NLRP12: variants seen among roughly 807,000 people sequenced by gnomAD.
NLRP12 encodes the protein NACHT, LRR and PYD domains-containing protein 12.
NLRP12 carries 108 observed loss-of-function variants against 91.2 expected under a neutral mutation model. The ratio of observed to expected loss-of-function variants is 1.18; its 90% CI spans 1.01 to 1.39. The LOEUF is 1.39. NLRP12 is among the 40% of genes most tolerant of loss of function. The pLI, the probability that NLRP12 is intolerant of heterozygous loss-of-function variation, is 0.00. For synonymous variants in NLRP12, 613 were observed against 566.7 expected (o/e 1.08, Z -1.16); for missense variants, 1,530 against 1,352.7 (o/e 1.13, Z -2.06).
Position 53,809,612 on chromosome 19 carries a change from C to T in NLRP12, c.2047G>A (p.Gly683Arg), listed in dbSNP as rs145989421. 112 of 1,613,300 alleles carry T rather than the reference C, an allele frequency of 6.9e-5. 1 individual carries two copies. In the African/African-American group the frequency reaches 1.2e-3, roughly 18 times the overall value. ...DGEDRARCSAGAHTLLVQLPE... is the reference protein window; with the variant it reads ...DGEDRARCSARAHTLLVQLPE... ...AGCTGCACCAACAGCGTGTGCGCTCCTGCGGAGCACCTCGCGCGGTCTTCC... is the reference window on the plus strand; with the variant it reads ...AGCTGCACCAACAGCGTGTGCGCTCTTGCGGAGCACCTCGCGCGGTCTTCC... Residue 683 changes from glycine (G) to arginine (R), a missense_variant, in exon 3 of 10, where the codon GGA (glycine) becomes AGA (arginine). Coordinates refer to ENST00000324134, the MANE Select transcript of NLRP12 (RefSeq NM_144687.4).
intron 8 of NLRP12, among the ~76,000 whole-genome samples, chr19:53,796,792 T>C (rs1600671392): frequency 6.7e-6 from 1 of 150,346 alleles, no homozygotes; most frequent in South Asian, 2.1e-4. Flanking sequence ...AGGTCGGGAG[T>C]TCAAGACCAG....
chr19:53,794,548 C>A lies in NLRP12; in HGVS notation c.3099-412G>T, dbSNP rs1029395579. On this transcript the variant is annotated intron_variant, in intron 9 of 9. Coordinates refer to ENST00000324134, the MANE Select transcript of NLRP12 (RefSeq NM_144687.4). Reference sequence around the variant, plus strand: ...TGTTAGCCAGGATGGTCCTAGTCTCCTAACCTCGTGATCCGCCCACCTCGG... The same window carrying A: ...TGTTAGCCAGGATGGTCCTAGTCTCATAACCTCGTGATCCGCCCACCTCGG... Among the ~76,000 whole-genome samples the A allele has an allele frequency of 3.6e-5, 2 of 55,630 alleles. 1 individual carries two copies. The highest frequency in any genetic ancestry group is 7.8e-5 in the Non-Finnish European group (2 of 25,752). The allele number at this position is 55,630 out of a possible 152,430, so 36.5% of individuals were successfully genotyped here.
chr19:53,823,895 GGTCCTCTCTCT>G lies in NLRP12; in HGVS notation c.269_279del (p.Gln90ProfsTer99), dbSNP rs1172420216. 1 of 1,613,872 alleles carries G rather than the reference GGTCCTCTCTCT, an allele frequency of 6.2e-7. No homozygotes were observed. The highest frequency in any genetic ancestry group is 8.5e-7 in the Non-Finnish European group (1 of 1,179,990). ...CCCGCCACCTCCTTACCCCTCACCA[GGTCCTCTCTCT>G]GTCCTCTCTCCCACAGGTCCTTCCT... is the stretch of plus-strand genomic sequence containing the variant. On this transcript the variant is annotated frameshift_variant, in exon 1 of 10. Coordinates refer to ENST00000324134, the MANE Select transcript of NLRP12 (RefSeq NM_144687.4). LOFTEE classifies it high-confidence loss of function.
chr19:53,823,393 T>TAAATATTTA (rs1555799900), intron 1 of NLRP12, among the ~76,000 whole-genome samples: 1 of 100,106 alleles, frequency 1.0e-5, no homozygotes, highest in Non-Finnish European at 1.9e-5. Context: ...ATACATATTT[T>TAAATATTTA]AAATATATAT....
intron 1 of NLRP12, 119 bp downstream of exon 1, chr19:53,823,767 C>G: frequency 8.5e-7 from 1 of 1,176,902 alleles, no homozygotes; most frequent in East Asian, 2.3e-5. Flanking sequence ...CCAGACTGGT[C>G]TTGAACTCCT....
chr19:53,816,181 C>T (rs946982360), intron 1 of NLRP12, among the ~76,000 whole-genome samples: 1 of 152,090 alleles, frequency 6.6e-6, no homozygotes, highest in Non-Finnish European at 1.5e-5. Context: ...AGTTCCTTTG[C>T]TCTCACTCCA....
Position 53,797,258 on chromosome 19 carries a change from T to A in NLRP12, c.2927+985A>T, listed in dbSNP as rs1032230606. ...GTGATTCTCCTGCCTCAGCCTCCTG[T>A]GTAGCTGGGATTACAGACACCCACC... On this transcript the variant is annotated intron_variant, in intron 8 of 9. Transcript: ENST00000324134. Among the ~76,000 whole-genome samples the A allele has an allele frequency of 7.8e-4, 119 of 151,870 alleles. 2 individuals carry two copies. Among genetic ancestry groups the A allele is most frequent in the African/African-American group, 2.6e-3 (107 of 41,474 alleles).
In NLRP12 at chr19:53,814,920, T is replaced by G. The variant is rs760912202; in HGVS notation, c.358A>C (p.Thr120Pro). The G allele has an allele frequency of 5.0e-6, 8 of 1,613,540 alleles. No homozygotes were observed. Among genetic ancestry groups the G allele is most frequent in the Non-Finnish European group, 6.8e-6 (8 of 1,179,770 alleles). Residue 120 changes from threonine (T) to proline (P), a missense_variant, in exon 2 of 10, where the codon ACT (threonine) becomes CCT (proline). Transcript: ENST00000324134. ...GCTTGAGGCTCACCTTTTCTTGGAG[T>G]GACAAGAGAGACTTCCAGAAGGCAT... The part of the protein sequence containing the change: ...STCLLEVSLV[T>P]PRKDPQETYR...
chr19:53,805,474 G>A lies in NLRP12; in HGVS notation c.2244-24C>T, dbSNP rs772585569. The A allele has an allele frequency of 1.2e-5, 20 of 1,612,728 alleles. No individual in the cohort carries two copies. The East Asian group carries it at 1.8e-4, about 14-fold the overall frequency. ...GCCTGGGGTGGAAAAGAGGAGAAAG[G>A]AGCTGGTCATTTCTTTTGCTCCAGT... On this transcript the variant is annotated intron_variant, in intron 4 of 9. Transcript: ENST00000324134.
chr19:53,798,874 T>C (rs1044204101), intron 7 of NLRP12, among the ~76,000 whole-genome samples: 6 of 152,146 alleles, frequency 3.9e-5, no homozygotes, highest in African/African-American at 1.4e-4. Flanking sequence ...CCCAAGTAGA[T>C]GGGATTACAG....
At chr19:53,797,487 T>C (rs573029978) in intron 8 of NLRP12, among the ~76,000 whole-genome samples, 55 of 152,042 alleles carry the variant, frequency 3.6e-4, no homozygotes, top group Admixed American at 2.6e-3. Flanking sequence ...TGGCATGATC[T>C]CAGCTCACTG....
At chr19:53,814,505 C>T (rs1413009390) in intron 2 of NLRP12, among the ~76,000 whole-genome samples, 1 of 152,156 alleles carries the variant, frequency 6.6e-6, no homozygotes, top group Non-Finnish European at 1.5e-5. Flanking sequence ...GTATGCTCCA[C>T]CACACCCTGC....
At chr19:53,817,086 T>A (rs1227057196) in intron 1 of NLRP12, among the ~76,000 whole-genome samples, 1 of 145,312 alleles carries the variant, frequency 6.9e-6, no homozygotes, top group Non-Finnish European at 1.5e-5. Flanking sequence ...GGTCAGGAGA[T>A]CGAGACCATC....
chr19:53,803,838 T>G (rs1050702867), intron 6 of NLRP12, 114 bp downstream of exon 6: 2 of 1,048,000 alleles, frequency 1.9e-6, no homozygotes, highest in Admixed American at 1.9e-5. Flanking sequence ...CCTCCCAAAG[T>G]GCCGGGATTA....
At chr19:53,820,689 TTA>T (rs199661596) in intron 1 of NLRP12, among the ~76,000 whole-genome samples, 2,583 of 80,074 alleles carry the variant, frequency 0.032, 45 homozygotes, top group Admixed American at 0.091. Flanking sequence ...AAAAAATAAA[TTA>T]TTTTTTTTTT....
At chr19:53,801,507 A>G in intron 6 of NLRP12, 110 bp from the exon 7 acceptor site, 1 of 1,419,688 alleles carries the variant, frequency 7.0e-7, no homozygotes, top group South Asian at 1.3e-5. Context: ...GCTGGAATGC[A>G]GTGGTGCAAT....
rs956439782 is a variant in NLRP12, at chr19:53,801,546, A to G, written c.2586-149T>C. On this transcript the variant is annotated intron_variant, in intron 6 of 9. Transcript: ENST00000324134. ...GGCTCAGCTGCATCCTCCACCTCCC[A>G]TGTTCAAGCGATTCTCCTGCCTCAG... The G allele has an allele frequency of 8.3e-6, 9 of 1,083,318 alleles. No homozygotes were observed. The Admixed American group carries it at 1.4e-4, about 17-fold the overall frequency. 67.1% of individuals were successfully genotyped at this position (1,083,318 alleles called of 1,614,324 possible).
At chr19:53,801,737 G>A (rs1024616168) in intron 6 of NLRP12, among the ~76,000 whole-genome samples, 1 of 151,830 alleles carries the variant, frequency 6.6e-6, no homozygotes, top group Non-Finnish European at 1.5e-5. Flanking sequence ...TTACAGGCGT[G>A]AGCCACTGCG....
intron 1 of NLRP12, among the ~76,000 whole-genome samples, chr19:53,823,482 A>T (rs1345115787): frequency 2.0e-5 from 2 of 102,200 alleles, no homozygotes; most frequent in Non-Finnish European, 3.8e-5. Flanking sequence ...TAAAATATAT[A>T]TTTTAAAATA....
Sources: gnomAD v4.1 joint callset for allele counts (sites outside exome capture counted in the v4.1 genomes callset) on GRCh38, gnomAD v4.1.1 for gene constraint, MANE v1.5 for transcripts, NCBI Gene and HGNC (gene_info 2026-07-23, HGNC 2026-07-21) for gene names.